Variants in RIMS2 observed in about 807,000 individuals in gnomAD.
The protein encoded by RIMS2 is regulating synaptic membrane exocytosis protein 2.
RIMS2 carries 59 observed loss-of-function variants against 174.4 expected under a neutral mutation model. That is an observed-to-expected ratio of 0.34 (90% CI 0.27 to 0.42). The LOEUF (loss-of-function observed/expected upper bound fraction) is 0.42. RIMS2 is among the 10% of genes least tolerant of loss of function. The pLI is 1.00. For missense variants in RIMS2, 1,620 were observed against 1,666.3 expected (o/e 0.97, Z 0.48); for synonymous variants, 606 against 572.5 (o/e 1.06, Z -0.84).
At chr8:103,921,701 G>T in exon 10 of RIMS2, 1 of 1,546,658 alleles carries the variant, frequency 6.5e-7, no homozygotes. Context: ...TCAAAAAATG[G>T]ATCGTCCTTC....
intron 3 of RIMS2, among the ~76,000 whole-genome samples, chr8:103,803,875 G>A (rs988280459): frequency 5.3e-5 from 8 of 152,118 alleles, no homozygotes; most frequent in African/African-American, 1.9e-4. Flanking sequence ...AAGGAACTGA[G>A]GCATGCCAAC....
In RIMS2 at chr8:104,231,463, T is replaced by G. The variant is rs78212946; in HGVS notation, c.3335-13453T>G. 4.0e-3 allele frequency among the ~76,000 whole-genome samples: 608 copies of G among 152,306 alleles called. 2 individuals carry two copies. The highest frequency in any genetic ancestry group is 7.0e-3 in the Non-Finnish European group (478 of 68,012). On this transcript the variant is annotated intron_variant, in intron 19 of 23. Coordinates refer to ENST00000504942, the Ensembl canonical transcript of RIMS2. The stretch of plus-strand genomic sequence containing the variant: ...GTTTTGTTCATGCCTTTCTTTCTAT[T>G]CTTCCTTTACCACTGTATATATATC...
intron 9 of RIMS2, chr8:103,918,719 C>G (rs987190393): frequency 2.1e-6 from 1 of 479,390 alleles, no homozygotes; most frequent in Non-Finnish European, 3.8e-6. Flanking sequence ...TTTTAGATAG[C>G]ATTATTAAGG....
chr8:104,060,401 G>C (rs948622051), intron 19 of RIMS2, among the ~76,000 whole-genome samples: 9 of 151,900 alleles, frequency 5.9e-5, no homozygotes, highest in African/African-American at 2.2e-4. Flanking sequence ...GTATTTCTGT[G>C]GGATCGGTGG....
intron 1 of RIMS2, among the ~76,000 whole-genome samples, chr8:103,586,501 G>A (rs1230338473): frequency 6.6e-6 from 1 of 152,064 alleles, no homozygotes; most frequent in Non-Finnish European, 1.5e-5. Context: ...AATGACCAGT[G>A]AGTCAATGAA....
At chr8:103,518,453 C>T (rs958668395) in intron 1 of RIMS2, among the ~76,000 whole-genome samples, 1 of 151,994 alleles carries the variant, frequency 6.6e-6, no homozygotes, top group Non-Finnish European at 1.5e-5. Context: ...CACATGTGGC[C>T]TGCGGTCTGC....
At chr8:103,862,090 A>T (rs973460755) in intron 3 of RIMS2, among the ~76,000 whole-genome samples, 4 of 152,012 alleles carry the variant, frequency 2.6e-5, no homozygotes, top group African/African-American at 9.7e-5. Context: ...GCTGTTTTCT[A>T]GGGCTTTTAT....
chr8:104,108,926 T>C (rs2098126312), intron 19 of RIMS2, among the ~76,000 whole-genome samples: 1 of 152,172 alleles, frequency 6.6e-6, no homozygotes, highest in African/African-American at 2.4e-5. Context: ...TGGCTTGCTT[T>C]GCTAAGCTGT....
At chr8:103,696,855 T>C (rs1434754457) in intron 1 of RIMS2, among the ~76,000 whole-genome samples, 9 of 108,086 alleles carry the variant, frequency 8.3e-5, no homozygotes, top group Non-Finnish European at 1.5e-4. Flanking sequence ...AGAGCGAGAC[T>C]TCGTCTCAAA....
chr8:103,940,841 A>T (rs2154537804), intron 13 of RIMS2, among the ~76,000 whole-genome samples: 1 of 148,422 alleles, frequency 6.7e-6, no homozygotes, highest in South Asian at 2.1e-4. Flanking sequence ...GTGCCACTGC[A>T]CTCCAGCCTG....
At chr8:103,660,338 A>T (rs1287394101) in intron 1 of RIMS2, among the ~76,000 whole-genome samples, 1 of 152,032 alleles carries the variant, frequency 6.6e-6, no homozygotes, top group Admixed American at 6.6e-5. Flanking sequence ...ATGGATGTGC[A>T]CCCTTTGCTT....
At chr8:104,155,875 G>C (rs893997749) in intron 19 of RIMS2, among the ~76,000 whole-genome samples, 1 of 152,128 alleles carries the variant, frequency 6.6e-6, no homozygotes, top group African/African-American at 2.4e-5. Context: ...GACACTTTAA[G>C]ATCTGACAAG....
intron 19 of RIMS2, among the ~76,000 whole-genome samples, chr8:104,049,612 CATT>C (rs1268738412): frequency 6.6e-5 from 10 of 152,044 alleles, no homozygotes; most frequent in Non-Finnish European, 1.3e-4. Context: ...TCAGTTTCAT[CATT>C]GTTAAAAAAA....
intron 1 of RIMS2, chr8:103,501,562 G>C (rs948530939): frequency 4.6e-5 from 7 of 152,974 alleles, no homozygotes; most frequent in Admixed American, 1.3e-4. Context: ...AGCAACGCGG[G>C]ACAGAGCAGG....
intron 19 of RIMS2, among the ~76,000 whole-genome samples, chr8:104,070,750 T>G (rs1012177166): frequency 3.9e-5 from 6 of 152,174 alleles, no homozygotes; most frequent in Non-Finnish European, 8.8e-5. Context: ...CAGGAAGGAA[T>G]GTAGATGATT....
At chr8:103,792,674 T>G (rs1592523351) in intron 3 of RIMS2, among the ~76,000 whole-genome samples, 1 of 142,572 alleles carries the variant, frequency 7.0e-6, no homozygotes, top group Non-Finnish European at 1.5e-5. Flanking sequence ...ACAAAATTGA[T>G]AGATCGCTAG....
intron 3 of RIMS2, among the ~76,000 whole-genome samples, chr8:103,874,161 C>T (rs2099124867): frequency 6.6e-6 from 1 of 151,986 alleles, no homozygotes; most frequent in Non-Finnish European, 1.5e-5. Flanking sequence ...AAATTGTCTT[C>T]TAGTGGCTGT....
rs1233580737 is a variant in RIMS2, at chr8:103,540,822, GCAAA to G, written c.176+39769_176+39772del. ...TTGAGTTGGAATTGTAAATAAACAA[GCAAA>G]CAAACAAAAAAGAAAATCTGGAGGA... is the stretch of plus-strand genomic sequence containing the variant. On this transcript the variant is annotated intron_variant, in intron 1 of 23. Transcript: ENST00000504942. Among the ~76,000 whole-genome samples, 9 of 152,036 alleles carry G rather than the reference GCAAA, an allele frequency of 5.9e-5. No homozygotes were observed. In the East Asian group the frequency reaches 1.2e-3, roughly 20 times the overall value.
chr8:104,156,542 A>G lies in RIMS2; in HGVS notation c.3335-88374A>G, dbSNP rs147461050. ...TACTTCAAATATGTTTCCTGAGAGC[A>G]TAAGTCTTATTTTATTATTTAAAAT... On this transcript the variant is annotated intron_variant, in intron 19 of 23. Transcript: ENST00000504942. Among the ~76,000 whole-genome samples, 9 of 152,372 alleles carry G rather than the reference A, an allele frequency of 5.9e-5. No homozygotes were observed. In the East Asian group the frequency reaches 9.6e-4, roughly 16 times the overall value.
Sources: gnomAD v4.1 joint callset for allele counts (sites outside exome capture counted in the v4.1 genomes callset) on GRCh38, gnomAD v4.1.1 for gene constraint, MANE v1.5 for transcripts, NCBI Gene and HGNC (gene_info 2026-07-23, HGNC 2026-07-21) for gene names.